PFKFB3: variants seen among roughly 807,000 people sequenced by gnomAD.
PFKFB3 encodes the protein 6-phosphofructo-2-kinase/fructose-2,6-biphosphatase 3.
Under a neutral mutation model 68.0 loss-of-function variants are expected in PFKFB3, and 33 were observed. The ratio of observed to expected loss-of-function variants is 0.49; its 90% CI spans 0.37 to 0.65. The LOEUF is 0.65. PFKFB3 is among the 30% of genes least tolerant of loss of function. PFKFB3 has a pLI of 0.00. For synonymous variants in PFKFB3, 315 were observed against 288.2 expected (o/e 1.09, Z -0.94); for missense variants, 586 against 712.2 (o/e 0.82, Z 2.02).
At chr10:6,251,127 C>G (rs1846372661) in intron 14 of PFKFB3, among the ~76,000 whole-genome samples, 1 of 152,178 alleles carries the variant, frequency 6.6e-6, no homozygotes, top group African/African-American at 2.4e-5. Context: ...AATATATTTT[C>G]CAGCTCAAAT....
At chr10:6,149,606 A>G (rs1193841571) in intron 1 of PFKFB3, 2 of 143,578 alleles carry the variant, frequency 1.4e-5, no homozygotes, top group African/African-American at 2.6e-5. Context: ...AAAAAAAGAT[A>G]CAAAATGCAC....
chr10:6,177,979 G>GTGAGGGTGGATATCA (rs1185830116), intron 1 of PFKFB3, among the ~76,000 whole-genome samples: 1 of 152,190 alleles, frequency 6.6e-6, no homozygotes, highest in Non-Finnish European at 1.5e-5. Flanking sequence ...AGGTGCACAC[G>GTGAGGGTGGATATCA]TGAGGGTGGA....
chr10:6,224,120 T>A, intron 12 of PFKFB3, 29 bp from the exon 13 acceptor site: 1 of 1,613,802 alleles, frequency 6.2e-7, no homozygotes, highest in Non-Finnish European at 8.5e-7. Flanking sequence ...TAACAGCAGC[T>A]TCCTCTGCCC....
At chr10:6,179,619 A>AC (rs1842648191) in intron 1 of PFKFB3, among the ~76,000 whole-genome samples, 2 of 152,110 alleles carry the variant, frequency 1.3e-5, no homozygotes, top group Admixed American at 1.3e-4. Context: ...GCCCAGGAGG[A>AC]CTGCAGGCAA....
At position 6,216,301 on chromosome 10, in the gene PFKFB3, A is replaced by G. The variant is rs1393053117; in HGVS notation, c.366+110A>G. The G allele has an allele frequency of 7.4e-6, 8 of 1,086,672 alleles. No homozygotes were observed. The East Asian group carries it at 1.9e-4, about 26-fold the overall frequency. The allele number at this position is 1,086,672 out of a possible 1,614,324, so 67.3% of individuals were successfully genotyped here. On this transcript the variant is annotated intron_variant, in intron 4 of 14. Transcript: ENST00000379775. ...GCCTCTGGCCCTGAGGGTGGAGGAA[A>G]GCAGGTGGCCAGGGCAGCCCAATGG... is the stretch of plus-strand genomic sequence containing the variant.
At chr10:6,315,152 A>C in the PFKFB3 span, among the ~76,000 whole-genome samples, 11 of 152,162 alleles carry the variant, frequency 7.2e-5, no homozygotes, top group Non-Finnish European at 1.5e-4. Context: ...TGACTGGTTG[A>C]CTTTAACCCT....
At chr10:6,293,126 A>G in the PFKFB3 span, 2 of 450,226 alleles carry the variant, frequency 4.4e-6, no homozygotes, top group East Asian at 1.3e-4. Context: ...GTGGTCTATT[A>G]GGCTTTTCAT....
chr10:6,160,945 AT>A (rs1360802089), intron 1 of PFKFB3, among the ~76,000 whole-genome samples: 1 of 151,458 alleles, frequency 6.6e-6, no homozygotes, highest in Non-Finnish European at 1.5e-5. Flanking sequence ...TTATTTTTTT[AT>A]TTTTTTGAGA....
At chr10:6,158,928 G>C (rs899278529) in intron 1 of PFKFB3, among the ~76,000 whole-genome samples, 1 of 151,712 alleles carries the variant, frequency 6.6e-6, no homozygotes, top group African/African-American at 2.4e-5. Context: ...TAGTATTGCT[G>C]ATGTTCACAC....
At chr10:6,187,274 T>C (rs983040627) in intron 1 of PFKFB3, among the ~76,000 whole-genome samples, 1 of 151,496 alleles carries the variant, frequency 6.6e-6, no homozygotes, top group East Asian at 1.9e-4. Flanking sequence ...GGCAGGAGAA[T>C]TGCTTGAACC....
intron 1 of PFKFB3, among the ~76,000 whole-genome samples, chr10:6,189,547 C>T (rs1842970342): frequency 6.7e-6 from 1 of 148,260 alleles, no homozygotes; most frequent in Admixed American, 6.8e-5. Flanking sequence ...GACAGTCTCG[C>T]TCTGTCACCC....
chr10:6,282,090 C>T, the PFKFB3 span, among the ~76,000 whole-genome samples: 1 of 152,100 alleles, frequency 6.6e-6, no homozygotes, highest in African/African-American at 2.4e-5. Context: ...CTGCCTCAGC[C>T]TCCCGTATAG....
intron 1 of PFKFB3, among the ~76,000 whole-genome samples, chr10:6,182,883 C>A (rs1370531647): frequency 1.3e-5 from 2 of 152,190 alleles, no homozygotes; most frequent in African/African-American, 4.8e-5. Flanking sequence ...CCTTCCCAGC[C>A]CCCCAGGGTC....
the PFKFB3 span, among the ~76,000 whole-genome samples, chr10:6,289,720 G>T: frequency 6.6e-6 from 1 of 151,508 alleles, no homozygotes; most frequent in South Asian, 2.1e-4. Context: ...CTTTGAAGTA[G>T]TTTTTTCCAA....
At chr10:6,201,817 G>C (rs1242833252), upstream of PFKFB3, among the ~76,000 whole-genome samples, 1 of 152,174 alleles carries the variant, frequency 6.6e-6, no homozygotes, top group East Asian at 1.9e-4. The surrounding 1 kb of genome is among the most constrained non-coding windows in gnomAD (Gnocchi z 4.1). Context: ...CATCCGTCCC[G>C]GCGCGGGCGG....
intron 1 of PFKFB3, among the ~76,000 whole-genome samples, chr10:6,148,752 G>T (rs1253473893): frequency 6.6e-6 from 1 of 152,214 alleles, no homozygotes; most frequent in Non-Finnish European, 1.5e-5. Flanking sequence ...CGCTGGGGCA[G>T]TTCTTCCTCT....
At chr10:6,209,332 A>G (rs1160825855) in intron 1 of PFKFB3, among the ~76,000 whole-genome samples, 2 of 152,174 alleles carry the variant, frequency 1.3e-5, no homozygotes, top group South Asian at 2.1e-4. Flanking sequence ...GTTGACCTCT[A>G]AAGTCCACAT....
the PFKFB3 span, among the ~76,000 whole-genome samples, chr10:6,308,899 A>G: frequency 2.6e-5 from 4 of 152,264 alleles, no homozygotes; most frequent in Non-Finnish European, 5.9e-5. Flanking sequence ...CTTGCCAAAA[A>G]GAAACTAGCA....
chr10:6,273,525 G>C, the PFKFB3 span, among the ~76,000 whole-genome samples: 1 of 152,176 alleles, frequency 6.6e-6, no homozygotes, highest in African/African-American at 2.4e-5. Context: ...GTCACTCTGG[G>C]CTTGAGGGTT....
Sources: gnomAD v4.1 joint callset for allele counts (sites outside exome capture counted in the v4.1 genomes callset) on GRCh38, gnomAD v4.1.1 for gene constraint, Gnocchi (gnomAD v3.1) non-coding constraint, MANE v1.5 for transcripts, NCBI Gene and HGNC (gene_info 2026-07-23, HGNC 2026-07-21) for gene names.